The following UTRN variants were observed in gnomAD, a reference collection of about 807,000 sequenced individuals.
The protein encoded by UTRN is utrophin.
A neutral mutation model predicts 463.9 loss-of-function variants in UTRN; 283 were observed. The ratio of observed to expected loss-of-function variants is 0.61; its 90% CI spans 0.55 to 0.67. UTRN has a LOEUF of 0.67. Ranked by LOEUF, UTRN falls within the 30% of genes least tolerant of loss-of-function variation. The pLI is 0.00. For synonymous variants in UTRN, 1,442 were observed against 1,431.5 expected, an observed-to-expected ratio of 1.01 and a Z score of -0.17; for missense variants, 3,922 against 4,084.3, an observed-to-expected ratio of 0.96 and a Z score of 1.08.
At chr6:144,566,285 A>T (rs1204245087) in intron 50 of UTRN, among the ~76,000 whole-genome samples, 4 of 152,134 alleles carry the variant, frequency 2.6e-5, no homozygotes, top group African/African-American at 9.7e-5. Flanking sequence ...GTAAGTTCAG[A>T]TCTTTGTGAG....
intron 2 of UTRN, among the ~76,000 whole-genome samples, chr6:144,347,707 T>C (rs984121605): frequency 6.6e-6 from 1 of 152,060 alleles, no homozygotes; most frequent in Non-Finnish European, 1.5e-5. Flanking sequence ...GGTGTCCTTA[T>C]GAGGCAAGGC....
At chr6:144,405,087 C>CTAT (rs888414483) in intron 3 of UTRN, among the ~76,000 whole-genome samples, 3 of 152,248 alleles carry the variant, frequency 2.0e-5, no homozygotes, top group African/African-American at 7.2e-5. Flanking sequence ...AAAAGCTTCT[C>CTAT]TATTAGTGTT....
intron 51 of UTRN, among the ~76,000 whole-genome samples, chr6:144,633,354 T>C (rs578077139): frequency 1.4e-4 from 21 of 151,716 alleles, no homozygotes; most frequent in East Asian, 1.2e-3. Flanking sequence ...CTCAGCCTCC[T>C]GAGTAGCTGG....
At chr6:144,827,257 T>G in intron 66 of UTRN, 91 bp from the exon 67 acceptor site, 237 of 1,459,316 alleles carry the variant, frequency 1.6e-4, no homozygotes, top group Non-Finnish European at 2.1e-4. Context: ...GGAAGATAAT[T>G]GAGAATCTCC....
At chr6:144,672,040 C>A (rs887872419) in intron 51 of UTRN, among the ~76,000 whole-genome samples, 1 of 152,028 alleles carries the variant, frequency 6.6e-6, no homozygotes, top group East Asian at 1.9e-4. Flanking sequence ...CTTTTTTATA[C>A]GCTGTTTGAT....
rs1781106260 is a variant in UTRN at position 144,836,391 on chromosome 6, C to G, written c.9915C>G (p.Pro3305=). Residue 3305 remains proline (P), a synonymous_variant, in exon 71 of 75, where the codon CCC becomes CCG. Transcript: ENST00000367545. ...CACCGCCAGAGTCGATTATATCTCC[C>G]CATCACACGTCTGAGGATTCAGAAC... is the stretch of plus-strand genomic sequence containing the variant. ...VGSPPESIIS[P]HHTSEDSELI... is the part of the protein sequence containing the mutation. The G allele has an allele frequency of 6.2e-7, 1 of 1,613,958 alleles. No homozygotes were observed. The highest frequency in any genetic ancestry group is 1.1e-5 in the South Asian group (1 of 91,092).
intron 65 of UTRN, among the ~76,000 whole-genome samples, chr6:144,805,010 G>A (rs1256919678): frequency 6.6e-6 from 1 of 152,106 alleles, no homozygotes; most frequent in Non-Finnish European, 1.5e-5. Context: ...TAGGGATGTG[G>A]TCTTGAACTG....
At chr6:144,701,487 AATGTT>A (rs1172996416) in intron 53 of UTRN, among the ~76,000 whole-genome samples, 2 of 152,214 alleles carry the variant, frequency 1.3e-5, no homozygotes, top group Non-Finnish European at 2.9e-5. Context: ...GATATGCTGA[AATGTT>A]ATCAACTGAC....
Position 144,378,031 on chromosome 6 carries a change from T to G in UTRN, c.80-25092T>G, listed in dbSNP as rs569168892. Among the ~76,000 whole-genome samples, 4 of 152,346 alleles carry G rather than the reference T, an allele frequency of 2.6e-5. No individual in the cohort carries two copies. The South Asian group carries it at 6.2e-4, about 24-fold the overall frequency. ...TTTAGAATTGCTTTTGTGGTCTGCC[T>G]TTAGGGACTATTATTATACCAGCTT... On this transcript the variant is annotated intron_variant, in intron 2 of 74. Transcript: ENST00000367545.
rs887822712 is a variant in UTRN, at chr6:144,462,712, C to G, written c.2912C>G (p.Thr971Arg). The change falls in exon 23 of 75, where the codon ACA becomes AGA. Residue 971 changes from threonine to arginine, a missense_variant. Physicochemically the swap from Thr to Arg is moderately conservative, Grantham distance 71. Around this residue, in one of 3 missense-constraint regions of UTRN, gnomAD observed 2,349 missense variants for 2,303.8 expected, o/e 1.02. Transcript: ENST00000367545. ...GCATTACATAAACTTGCAGAAGAAA[C>G]AAAGGCTCTGGAGAAAAATGTTCAT... ...KPALHKLAEE[T>R]KALEKNVHPD... The G allele has an allele frequency of 8.7e-6, 14 of 1,609,494 alleles. No individual in the cohort carries two copies. The East Asian group carries it at 3.1e-4, about 36-fold the overall frequency.
In UTRN at chr6:144,778,860, G is replaced by A. The variant is rs1239527785; in HGVS notation, c.8633-3062G>A. ...TTACCACATGACTGAGCTGTCATTT[G>A]TCTCCCTTTGAAATGAGAAAATCTT... On this transcript the variant is annotated intron_variant, in intron 60 of 74. Transcript: ENST00000367545. Among the ~76,000 whole-genome samples, 4 of 152,136 alleles carry A rather than the reference G, an allele frequency of 2.6e-5. No individual in the cohort carries two copies. The East Asian group carries it at 5.8e-4, about 22-fold the overall frequency.
chr6:144,521,002 A>G (rs887759151), intron 39 of UTRN, among the ~76,000 whole-genome samples: 1 of 152,112 alleles, frequency 6.6e-6, no homozygotes, highest in African/African-American at 2.4e-5. Flanking sequence ...CTCTGAGAAG[A>G]GGGCCGGGCA....
At chr6:144,597,698 T>C (rs1297954463) in intron 51 of UTRN, among the ~76,000 whole-genome samples, 2 of 152,232 alleles carry the variant, frequency 1.3e-5, no homozygotes, top group Non-Finnish European at 2.9e-5. Context: ...CTGGTCTTTA[T>C]CTATGAAAGA....
At chr6:144,845,103 C>T (rs979971616) in intron 73 of UTRN, among the ~76,000 whole-genome samples, 3 of 152,194 alleles carry the variant, frequency 2.0e-5, no homozygotes, top group African/African-American at 7.2e-5. Context: ...GTCCTGATAG[C>T]ATCCTTGAAT....
intron 58 of UTRN, among the ~76,000 whole-genome samples, chr6:144,768,766 C>T (rs1327276028): frequency 6.6e-6 from 1 of 152,054 alleles, no homozygotes; most frequent in African/African-American, 2.4e-5. Flanking sequence ...TAAAATAGCT[C>T]AGAGATAATT....
intron 54 of UTRN, among the ~76,000 whole-genome samples, chr6:144,732,271 T>TAC (rs1562832975): frequency 2.1e-4 from 19 of 89,234 alleles, no homozygotes; most frequent in African/African-American, 1.2e-3. Flanking sequence ...CACATATATA[T>TAC]ATATATACAC....
intron 2 of UTRN, among the ~76,000 whole-genome samples, chr6:144,300,997 G>T (rs1805193239): frequency 6.6e-6 from 1 of 151,966 alleles, no homozygotes; most frequent in Non-Finnish European, 1.5e-5. Flanking sequence ...GGGGTGGGAG[G>T]ATGAATCTCC....
chr6:144,682,199 G>A (rs1782276127), intron 52 of UTRN, among the ~76,000 whole-genome samples: 1 of 151,948 alleles, frequency 6.6e-6, no homozygotes, highest in South Asian at 2.1e-4. Context: ...CTATCTCCAT[G>A]AGTTCAATTG....
At position 144,836,724 on chromosome 6, in the gene UTRN, C is replaced by T. The variant is rs3737259; in HGVS notation, c.10065+183C>T. 13 of 923,330 alleles carry T rather than the reference C, an allele frequency of 1.4e-5. No homozygotes were observed. The East Asian group carries it at 3.4e-4, about 24-fold the overall frequency. 57.2% of individuals were successfully genotyped at this position (923,330 alleles called of 1,614,324 possible). On this transcript the variant is annotated intron_variant, in intron 71 of 74. Coordinates refer to ENST00000367545, the MANE Select transcript of UTRN (RefSeq NM_007124.3). ...AAGCATATAAATCCTCATTGGCACACAAAAATGTGTTTGCCCAGCTTACAA... is the reference window on the plus strand; with the variant it reads ...AAGCATATAAATCCTCATTGGCACATAAAAATGTGTTTGCCCAGCTTACAA...
Sources: gnomAD v4.1 joint callset for allele counts (sites outside exome capture counted in the v4.1 genomes callset) on GRCh38, gnomAD v4.1.1 for gene constraint, gnomAD v4.1.1 regional missense constraint, MANE v1.5 for transcripts, NCBI Gene and HGNC (gene_info 2026-07-23, HGNC 2026-07-21) for gene names.